Variants in ANGEL1 observed in about 807,000 individuals in gnomAD.
The protein encoded by ANGEL1 is angel homolog 1.
Under a neutral mutation model 76.4 loss-of-function variants are expected in ANGEL1, and 62 were observed. The ratio of observed to expected loss-of-function variants is 0.81; its 90% CI spans 0.66 to 1.00. The LOEUF (loss-of-function observed/expected upper bound fraction) is 1.00. Ranked by LOEUF, ANGEL1 falls within the 50% of genes least tolerant of loss-of-function variation. The pLI is 0.00. For missense variants in ANGEL1, 737 were observed against 836.7 expected (o/e 0.88, Z 1.47); for synonymous variants, 340 against 331.7 (o/e 1.03, Z -0.27).
At chr14:76,805,835 C>T (rs766188789) in intron 5 of ANGEL1, among the ~76,000 whole-genome samples, 1 of 152,226 alleles carries the variant, frequency 6.6e-6, no homozygotes, top group Non-Finnish European at 1.5e-5. Context: ...ACTAACTACC[C>T]GCATAACCTA....
rs1187288932 is a variant in ANGEL1, at chr14:76,808,051, A to G, written c.747T>C (p.Ser249=). 2 of 1,614,052 alleles carry G rather than the reference A, an allele frequency of 1.2e-6. No homozygotes were observed. The highest frequency in any genetic ancestry group is 2.7e-5 in the African/African-American group (2 of 74,932). ...DGPQFQFTLM[S]YNILAQDLMQ... is the part of the protein sequence containing the mutation. ...TCAGGTCCTGAGCCAGGATGTTATA[A>G]GACATCAGAGTGAACTGGAACTGAG... The change falls in exon 3 of 10, where the codon TCT becomes TCC. Residue 249 remains serine, a synonymous_variant. Transcript: ENST00000251089.
At position 76,790,612 on chromosome 14, in the gene ANGEL1, A is replaced by C. The variant is rs759209017; in HGVS notation, c.1851T>G (p.Thr617=). 7.4e-6 allele frequency: 12 copies of C among 1,612,080 alleles called. No homozygotes were observed. Among genetic ancestry groups the C allele is most frequent in the Non-Finnish European group, 1.0e-5 (12 of 1,178,654 alleles). The change falls in exon 9 of 10, where the codon ACT becomes ACG. Residue 617 remains threonine, a splice_region_variant and synonymous_variant. Transcript: ENST00000251089. ...SAESCENGNR[T]DHRLYRDGTL... is the part of the protein sequence containing the mutation. ...GAACCCAGGATCCATCAGGCTTACCAGTTCTGTTCCCATTCTCACAGGACT... is the reference window on the plus strand; with the variant it reads ...GAACCCAGGATCCATCAGGCTTACCCGTTCTGTTCCCATTCTCACAGGACT...
Position 76,804,165 on chromosome 14 carries a change from T to C in ANGEL1, c.1381-253A>G, listed in dbSNP as rs1198389847. ...AGAGACTGAATCAAGGGGAATCGAA[T>C]AGTATGAACATGTGGTTCCCTAAAT... On this transcript the variant is annotated intron_variant, in intron 5 of 9. Transcript: ENST00000251089. 4 of 1,427,654 alleles carry C rather than the reference T, an allele frequency of 2.8e-6. No individual in the cohort carries two copies. In the East Asian group the frequency reaches 7.6e-5, roughly 27 times the overall value. 88.4% of individuals were successfully genotyped at this position (1,427,654 alleles called of 1,614,324 possible).
At chr14:76,799,992 C>T (rs1352891203) in intron 7 of ANGEL1, among the ~76,000 whole-genome samples, 1 of 151,726 alleles carries the variant, frequency 6.6e-6, no homozygotes, top group African/African-American at 2.4e-5. Flanking sequence ...TAGAAGGGTA[C>T]ATTCAAAGTA....
At chr14:76,792,819 CCT>C (rs1438084831) in intron 7 of ANGEL1, among the ~76,000 whole-genome samples, 7 of 152,096 alleles carry the variant, frequency 4.6e-5, no homozygotes, top group Admixed American at 2.0e-4. Flanking sequence ...ACGCTTTACC[CCT>C]AAGATCAGGA....
rs59003912 is a variant in ANGEL1 at position 76,796,926 on chromosome 14, CCACA to C, written c.1619-5564_1619-5561del. Among the ~76,000 whole-genome samples, 22 of 150,960 alleles carry C rather than the reference CCACA, an allele frequency of 1.5e-4. No homozygotes were observed. In the East Asian group the frequency reaches 4.3e-3, roughly 29 times the overall value. ...TTACATCCTTTGTCATTACAATATGCCACACACACACACACACAAAATCACAGTG... is the reference window on the plus strand; with the variant it reads ...TTACATCCTTTGTCATTACAATATGCCACACACACACACAAAATCACAGTG... On this transcript the variant is annotated intron_variant, in intron 7 of 9. Transcript: ENST00000251089.
chr14:76,812,847 C>A lies in ANGEL1; in HGVS notation c.-20G>T. 1 of 1,502,744 alleles carries A rather than the reference C, an allele frequency of 6.7e-7. No homozygotes were observed. The highest frequency in any genetic ancestry group is 8.9e-7 in the Non-Finnish European group (1 of 1,129,438). The allele number at this position is 1,502,744 out of a possible 1,614,324, so 93.1% of individuals were successfully genotyped here. On this transcript the variant is annotated 5_prime_UTR_variant, in exon 1 of 10. Coordinates refer to ENST00000251089, the MANE Select transcript of ANGEL1 (RefSeq NM_015305.4). ...GATCATGGCCGGCCGCCCGCGCCCG[C>A]CTCCGCTCCTCACTGCAGCCAGCAG...
At chr14:76,791,617 G>A (rs575364239) in intron 7 of ANGEL1, among the ~76,000 whole-genome samples, 1 of 151,554 alleles carries the variant, frequency 6.6e-6, no homozygotes, top group Non-Finnish European at 1.5e-5. Flanking sequence ...TCTTTAATTT[G>A]ATTAAAAAAA....
At chr14:76,790,545 C>T in intron 9 of ANGEL1, 66 bp downstream of exon 9, 1 of 1,541,008 alleles carries the variant, frequency 6.5e-7, no homozygotes, top group Admixed American at 1.9e-5. Context: ...CTACCAAATG[C>T]CTGACCTACC....
At chr14:76,802,798 C>T (rs115566523) in intron 7 of ANGEL1, among the ~76,000 whole-genome samples, 49 of 152,320 alleles carry the variant, frequency 3.2e-4, no homozygotes, top group Middle Eastern at 6.8e-3. Context: ...CACCCCTGCA[C>T]GATCTCCAGT....
At chr14:76,804,842 T>A (rs1487252345) in intron 5 of ANGEL1, among the ~76,000 whole-genome samples, 3 of 152,000 alleles carry the variant, frequency 2.0e-5, no homozygotes, top group Non-Finnish European at 4.4e-5. Context: ...AAACCCCGTC[T>A]CTACTAAACA....
chr14:76,807,105 C>G (rs2140228610), intron 4 of ANGEL1, among the ~76,000 whole-genome samples: 1 of 152,354 alleles, frequency 6.6e-6, no homozygotes, highest in Admixed American at 6.5e-5. Context: ...TAGAGTCAGA[C>G]AAGCTGGATT....
At chr14:76,805,479 G>A (rs1327665728) in intron 5 of ANGEL1, among the ~76,000 whole-genome samples, 1 of 152,134 alleles carries the variant, frequency 6.6e-6, no homozygotes, top group African/African-American at 2.4e-5. Flanking sequence ...TAATACAATC[G>A]TTTTGTGTCC....
chr14:76,806,443 G>A lies in ANGEL1; in HGVS notation c.1353C>T (p.Leu451=). 1 of 1,613,818 alleles carries A rather than the reference G, an allele frequency of 6.2e-7. No homozygotes were observed. The highest frequency in any genetic ancestry group is 8.5e-7 in the Non-Finnish European group (1 of 1,179,814). ...PLYNFIRDGE[L]QYHGMPAWKV... ...TCCAGGCTGGCATCCCATGGTACTG[G>A]AGCTCTCCATCCCTGATGAAGTTGT... Residue 451 remains leucine, a synonymous_variant, in exon 5 of 10, where the codon CTC becomes CTT. Coordinates refer to ENST00000251089, the MANE Select transcript of ANGEL1 (RefSeq NM_015305.4).
At chr14:76,805,049 AAAT>A (rs1894877554) in intron 5 of ANGEL1, among the ~76,000 whole-genome samples, 3 of 151,740 alleles carry the variant, frequency 2.0e-5, no homozygotes, top group Non-Finnish European at 4.4e-5. Context: ...ATAAATAAAT[AAAT>A]AAAATGGGAT....
intron 7 of ANGEL1, among the ~76,000 whole-genome samples, chr14:76,795,283 A>C (rs1442449185): frequency 6.6e-6 from 1 of 152,188 alleles, no homozygotes; most frequent in African/African-American, 2.4e-5. Context: ...GATTTCACAT[A>C]TATATAAAAT....
chr14:76,786,373 G>A lies in ANGEL1; in HGVS notation c.*2855C>T, dbSNP rs769275371. On this transcript the variant is annotated 3_prime_UTR_variant, in exon 10 of 10. Coordinates refer to ENST00000251089, the MANE Select transcript of ANGEL1 (RefSeq NM_015305.4). ...GACGGGATTTCTTCATGTTGGTCAGGCTGGTCTGGAACTCTCGACCTCAGG... is the reference window on the plus strand; with the variant it reads ...GACGGGATTTCTTCATGTTGGTCAGACTGGTCTGGAACTCTCGACCTCAGG... The A allele has an allele frequency of 6.6e-6, 1 of 152,108 alleles. No homozygotes were observed. The allele number at this position is 152,108 out of a possible 1,614,324, so 9.4% of individuals were successfully genotyped here.
chr14:76,809,426 C>G lies in ANGEL1; in HGVS notation c.282G>C (p.Leu94=). The change falls in exon 2 of 10, where the codon CTG becomes CTC. Residue 94 remains leucine, a synonymous_variant. Transcript: ENST00000251089. ...KGLAQSSLAL[L]MDNPGEENAA... ...CATTCTCTTCTCCAGGATTATCCAT[C>G]AGAAGTGCCAGGCTGCTCTGGGCTA... 1 of 1,614,252 alleles carries G rather than the reference C, an allele frequency of 6.2e-7. No homozygotes were observed. The highest frequency in any genetic ancestry group is 8.5e-7 in the Non-Finnish European group (1 of 1,180,038).
Position 76,807,491 on chromosome 14 carries a change from G to A in ANGEL1, c.888C>T (p.Leu296=). 6.2e-7 allele frequency: 1 copy of A among 1,613,544 alleles called. No homozygotes were observed. The change falls in exon 4 of 10, where the codon CTC becomes CTT. Residue 296 remains leucine, a synonymous_variant. Coordinates refer to ENST00000251089, the MANE Select transcript of ANGEL1 (RefSeq NM_015305.4). ...AGTAATGATCTTCCTGGACTTCCTG[G>A]AGACACAGGATCTGGGAAATTGACA... ...FQHWDPDILC[L]QEVQEDHYWE...
Sources: gnomAD v4.1 joint callset for allele counts (sites outside exome capture counted in the v4.1 genomes callset) on GRCh38, gnomAD v4.1.1 for gene constraint, MANE v1.5 for transcripts, NCBI Gene and HGNC (gene_info 2026-07-23, HGNC 2026-07-21) for gene names.